GLYCTK: variants seen among roughly 807,000 people sequenced by gnomAD.
GLYCTK encodes the protein glycerate kinase.
Under a neutral mutation model 24.8 loss-of-function variants are expected in GLYCTK, and 22 were observed. The observed-to-expected ratio is 0.89, with a 90% confidence interval of 0.63 to 1.27. The LOEUF (loss-of-function observed/expected upper bound fraction) is 1.27, where lower values mean the gene tolerates loss of function less well. Among genes scored for constraint, GLYCTK ranks in the 50% most tolerant of loss-of-function variants. The probability of loss-of-function intolerance (pLI) is 0.00; values close to 1 mark genes in which losing one functional copy is unlikely to be tolerated. For missense variants in GLYCTK, 684 were observed against 686.7 expected, an observed-to-expected ratio of 1.00 and a Z score of 0.04; for synonymous variants, 320 against 297.2, an observed-to-expected ratio of 1.08 and a Z score of -0.79.
Position 52,292,498 on chromosome 3 carries a change from C to T in GLYCTK, c.944C>T (p.Ala315Val), listed in dbSNP as rs762416091. The T allele has an allele frequency of 1.4e-5, 22 of 1,613,454 alleles. No individual in the cohort carries two copies. The highest frequency in any genetic ancestry group is 1.2e-4 in the South Asian group (11 of 91,076). ...GTGATCATTGGCTCTAATGTGCTGG[C>T]GCTAGCTGAGGCCCAGCGGCAGGCC... ...LNVIIGSNVL[A>V]LAEAQRQAEA... The change falls in exon 5 of 5, where the codon GCG becomes GTG. Residue 315 changes from alanine (A) to valine (V), a missense_variant. By Grantham distance (64) the Ala-to-Val change is moderately conservative. Transcript: ENST00000436784.
chr3:52,287,943 C>G (rs1363192562), intron 1 of GLYCTK, 67 bp downstream of exon 1: 1 of 401,544 alleles, frequency 2.5e-6, no homozygotes, highest in Non-Finnish European at 5.2e-6. Context: ...GATGACGGGT[C>G]CTGGTGGCAG....
intron 4 of GLYCTK, 54 bp from the exon 5 acceptor site, chr3:52,292,206 G>T (rs1311531473): frequency 1.2e-6 from 2 of 1,610,486 alleles, no homozygotes; most frequent in Non-Finnish European, 8.5e-7. Flanking sequence ...GTCCTTATGG[G>T]CTCTGAGGGG....
Position 52,294,127 on chromosome 3 carries a change from GGCCTGGCCAGCA to G in GLYCTK, c.*1008_*1019del. Reference sequence around the variant, plus strand: ...GTGGGAATAGAGGAACGGCTGTGTTGGCCTGGCCAGCAGCCTGGGTTGAGAGAGGGAGGTGCC... The same window carrying G: ...GTGGGAATAGAGGAACGGCTGTGTTGGCCTGGGTTGAGAGAGGGAGGTGCC... On this transcript the variant is annotated 3_prime_UTR_variant, in exon 5 of 5. Coordinates refer to ENST00000436784, the MANE Select transcript of GLYCTK (RefSeq NM_145262.4). The G allele has an allele frequency of 1.9e-6, 1 of 529,836 alleles. No homozygotes were observed. The highest frequency in any genetic ancestry group is 3.9e-6 in the Non-Finnish European group (1 of 258,484). 32.8% of individuals were successfully genotyped at this position (529,836 alleles called of 1,614,324 possible).
At chr3:52,288,027 A>T in intron 1 of GLYCTK, 151 bp downstream of exon 1, 1 of 293,252 alleles carries the variant, frequency 3.4e-6, no homozygotes, top group Non-Finnish European at 7.2e-6. Flanking sequence ...CCTTAGGATG[A>T]CGTCACTTCC....
At position 52,292,311 on chromosome 3, in the gene GLYCTK, G is replaced by A. The variant is rs1482956241; in HGVS notation, c.757G>A (p.Ala253Thr). The A allele has an allele frequency of 2.4e-5, 39 of 1,613,826 alleles. No homozygotes were observed. Among genetic ancestry groups the A allele is most frequent in the Non-Finnish European group, 3.1e-5 (37 of 1,179,972 alleles). Reference sequence around the variant, plus strand: ...GGTGGGGGACCCTGTGGAGGTGATTGCCAGTGGCCCCACCGTGGCCAGTTC... The same window carrying A: ...GGTGGGGGACCCTGTGGAGGTGATTACCAGTGGCCCCACCGTGGCCAGTTC... ...DVVGDPVEVI[A>T]SGPTVASSHN... is the part of the protein sequence containing the mutation. The change falls in exon 5 of 5, where the codon GCC (alanine) becomes ACC (threonine). Residue 253 changes from alanine (A) to threonine (T), a missense_variant. Ala to Thr is a moderately conservative substitution (Grantham distance 58, BLOSUM62 0). Transcript: ENST00000436784.
In GLYCTK at chr3:52,293,123, G is replaced by A. The variant is rs1316735590; in HGVS notation, c.1569G>A (p.Arg523=). 6.2e-7 allele frequency: 1 copy of A among 1,613,604 alleles called. No individual in the cohort carries two copies. Among genetic ancestry groups the A allele is most frequent in the Admixed American group, 1.7e-5 (1 of 60,030 alleles). Residue 523 remains arginine, a synonymous_variant, in exon 5 of 5, where the codon CGG becomes CGA. Coordinates refer to ENST00000436784, the MANE Select transcript of GLYCTK (RefSeq NM_145262.4). ...CCCACCTCTTGTTCCTGCGGCCTCG[G>A]TGATGGCATAGGTCACATTTTGGGA... is the stretch of plus-strand genomic sequence containing the variant. ...MDTHLLFLRP[R]
Position 52,295,254 on chromosome 3 carries a change from T to A in GLYCTK, c.*2128T>A, listed in dbSNP as rs936701183. ...TCCATAAATGTCAATTTTGGATCAT[T>A]GAAGTGCCCGTCCCTTGCTCTTGGC... On this transcript the variant is annotated 3_prime_UTR_variant, in exon 5 of 5. Transcript: ENST00000436784. The A allele has an allele frequency of 1.8e-5, 8 of 436,970 alleles. No individual in the cohort carries two copies. Among genetic ancestry groups the A allele is most frequent in the Non-Finnish European group, 2.8e-5 (6 of 215,052 alleles). The allele number at this position is 436,970 out of a possible 1,614,324, so 27.1% of individuals were successfully genotyped here.
At chr3:52,292,159 G>C (rs1037423162) in intron 4 of GLYCTK, 101 bp from the exon 5 acceptor site, 75 of 1,487,052 alleles carry the variant, frequency 5.0e-5, no homozygotes, top group Non-Finnish European at 6.8e-5. Context: ...AATGCACTGA[G>C]TTGGGGGAGG....
Position 52,291,779 on chromosome 3 carries a change from C to A in GLYCTK, c.562C>A (p.Pro188Thr). 6.2e-7 allele frequency: 1 copy of A among 1,613,758 alleles called. No homozygotes were observed. Among genetic ancestry groups the A allele is most frequent in the East Asian group, 2.2e-5 (1 of 44,870 alleles). ...GGSALLPAPI[P>T]PVTLEEKQTL... is the part of the protein sequence containing the mutation. ...TTCAGCTCTGCTGCCTGCCCCCATCCCACCTGTCACACTGGAGGAGAAGCA... is the reference window on the plus strand; with the variant it reads ...TTCAGCTCTGCTGCCTGCCCCCATCACACCTGTCACACTGGAGGAGAAGCA... The change falls in exon 4 of 5, where the codon CCA becomes ACA. Residue 188 changes from proline (P) to threonine (T), a missense_variant. Pro to Thr is a conservative substitution (Grantham distance 38). Transcript: ENST00000436784.
In GLYCTK at chr3:52,290,373, T is replaced by A. The variant is rs1700423016; in HGVS notation, c.31T>A (p.Leu11Met). 1 of 1,601,658 alleles carries A rather than the reference T, an allele frequency of 6.2e-7. No individual in the cohort carries two copies. Among genetic ancestry groups the A allele is most frequent in the Non-Finnish European group, 8.5e-7 (1 of 1,179,604 alleles). The change falls in exon 2 of 5, where the codon TTG (leucine) becomes ATG (methionine). Residue 11 changes from leucine to methionine, a missense_variant. Leu to Met is a conservative substitution (Grantham distance 15, BLOSUM62 2). Coordinates refer to ENST00000436784, the MANE Select transcript of GLYCTK (RefSeq NM_145262.4). MAAALQVLPR[L>M]ARAPLHPLLW... is the part of the protein sequence containing the mutation. Reference sequence around the variant, plus strand: ...TGCAGCCCTGCAGGTCCTGCCCCGCTTGGCCCGAGCCCCCTTGCATCCACT... The same window carrying A: ...TGCAGCCCTGCAGGTCCTGCCCCGCATGGCCCGAGCCCCCTTGCATCCACT...
intron 2 of GLYCTK, 41 bp downstream of exon 2, chr3:52,290,760 AG>A: frequency 6.2e-7 from 1 of 1,601,476 alleles, no homozygotes; most frequent in Non-Finnish European, 8.5e-7. Flanking sequence ...ATCTATCTGG[AG>A]GGAAACCTGG....
rs1292556697 is a variant in GLYCTK at position 52,293,098 on chromosome 3, C to A, written c.1544C>A (p.Thr515Asn). ...TGMTGTNVMD[T>N]HLLFLRPR ...ATGACAGGTACCAATGTCATGGACA[C>A]CCACCTCTTGTTCCTGCGGCCTCGG... Residue 515 changes from threonine (T) to asparagine (N), a missense_variant, in exon 5 of 5, where the codon ACC (threonine) becomes AAC (asparagine). Coordinates refer to ENST00000436784, the MANE Select transcript of GLYCTK (RefSeq NM_145262.4). The A allele has an allele frequency of 5.0e-6, 8 of 1,613,898 alleles. No homozygotes were observed. Among genetic ancestry groups the A allele is most frequent in the South Asian group, 1.1e-5 (1 of 91,094 alleles).
rs772211266 is a variant in GLYCTK, at chr3:52,292,908, G to A, written c.1354G>A (p.Asp452Asn). The A allele has an allele frequency of 8.7e-6, 14 of 1,613,954 alleles. No individual in the cohort carries two copies. The highest frequency in any genetic ancestry group is 3.3e-5 in the South Asian group (3 of 91,088). The change falls in exon 5 of 5, where the codon GAT becomes AAT. Residue 452 changes from aspartate to asparagine, a missense_variant. Asp to Asn is a conservative substitution (Grantham distance 23, BLOSUM62 1). Coordinates refer to ENST00000436784, the MANE Select transcript of GLYCTK (RefSeq NM_145262.4). ...IDVLFLSGGT[D>N]GQDGPTEAAG... Reference sequence around the variant, plus strand: ...TGTGCTGTTTTTGAGCGGTGGCACCGATGGGCAGGATGGGCCCACAGAGGC... The same window carrying A: ...TGTGCTGTTTTTGAGCGGTGGCACCAATGGGCAGGATGGGCCCACAGAGGC...
rs1463561740 is a variant in GLYCTK at position 52,291,868 on chromosome 3, G to A, written c.651G>A (p.Lys217=). 2.0e-5 allele frequency: 32 copies of A among 1,613,750 alleles called. No individual in the cohort carries two copies. Among genetic ancestry groups the A allele is most frequent in the Non-Finnish European group, 2.5e-5 (30 of 1,180,010 alleles). Residue 217 remains lysine (K), a synonymous_variant, in exon 4 of 5, where the codon AAG becomes AAA. Transcript: ENST00000436784. ...ATIQELNTIR[K]ALSQLKGGGL... ...TCCAGGAGTTGAACACCATTCGGAA[G>A]GCCCTGTCCCAGCTCAAGGGTGGGG...
In GLYCTK at chr3:52,290,297, C is replaced by T; in HGVS notation, c.-39-7C>T. On this transcript the variant is annotated splice_region_variant and splice_polypyrimidine_tract_variant and intron_variant, in intron 1 of 4. Coordinates refer to ENST00000436784, the MANE Select transcript of GLYCTK (RefSeq NM_145262.4). Reference sequence around the variant, plus strand: ...GCAAGGGCCTCAGTTGTGCTTTTTCCCTCTAGGCAGCCATGGGTGCCAGGC... The same window carrying T: ...GCAAGGGCCTCAGTTGTGCTTTTTCTCTCTAGGCAGCCATGGGTGCCAGGC... 1 of 1,580,760 alleles carries T rather than the reference C, an allele frequency of 6.3e-7. No individual in the cohort carries two copies. The highest frequency in any genetic ancestry group is 8.6e-7 in the Non-Finnish European group (1 of 1,169,210).
In GLYCTK at chr3:52,293,449, T is replaced by C; in HGVS notation, c.*323T>C. 1.8e-6 allele frequency: 1 copy of C among 565,626 alleles called. No individual in the cohort carries two copies. Among genetic ancestry groups the C allele is most frequent in the Non-Finnish European group, 3.4e-6 (1 of 297,800 alleles). 35.0% of individuals were successfully genotyped at this position (565,626 alleles called of 1,614,324 possible). A position where few individuals can be genotyped will look rare whatever the true frequency, so the allele number is the denominator to read the frequency against. On this transcript the variant is annotated 3_prime_UTR_variant, in exon 5 of 5. Transcript: ENST00000436784. Reference sequence around the variant, plus strand: ...TTTCTTTCTGTGAAGCGAGAATGTCTGAAAATAAATAGGACCATGCCATGG... The same window carrying C: ...TTTCTTTCTGTGAAGCGAGAATGTCCGAAAATAAATAGGACCATGCCATGG...
In GLYCTK at chr3:52,292,794, C is replaced by A; in HGVS notation, c.1240C>A (p.Leu414Met). Residue 414 changes from leucine (L) to methionine (M), a missense_variant, in exon 5 of 5, where the codon CTG (leucine) becomes ATG (methionine). Leu to Met is a conservative substitution (Grantham distance 15, BLOSUM62 2). Transcript: ENST00000436784. ...LLAGGEPTVQ[L>M]QGSGRGGRNQ... ...GGCTGGTGGCGAGCCCACAGTACAG[C>A]TGCAGGGCTCGGGCAGGGGTGGCCG... is the stretch of plus-strand genomic sequence containing the variant. 6.2e-7 allele frequency: 1 copy of A among 1,610,782 alleles called. No homozygotes were observed. The highest frequency in any genetic ancestry group is 8.5e-7 in the Non-Finnish European group (1 of 1,178,722).
intron 3 of GLYCTK, 117 bp downstream of exon 3, chr3:52,291,228 A>T (rs1297021468): frequency 5.4e-6 from 7 of 1,307,950 alleles, no homozygotes; most frequent in Non-Finnish European, 1.1e-6. Context: ...GGAGCAAGGG[A>T]GGTGGTGAGG....
intron 2 of GLYCTK, 83 bp downstream of exon 2, chr3:52,290,802 TC>T: frequency 6.3e-7 from 1 of 1,583,800 alleles, no homozygotes; most frequent in South Asian, 1.1e-5. Context: ...GGGCCTCCCC[TC>T]CCCACCCGCT....
Sources: allele counts gnomAD v4.1 joint callset, GRCh38; gene constraint gnomAD v4.1.1; transcripts MANE v1.5; gene names NCBI Gene and HGNC (gene_info 2026-07-23, HGNC 2026-07-21).